The following CCNB2 variants were observed in gnomAD, a reference collection of about 807,000 sequenced individuals.
CCNB2 encodes the protein cyclin B2, also known as G2/mitotic-specific cyclin-B2.
A neutral mutation model predicts 51.1 loss-of-function variants in CCNB2; 39 were observed. The ratio of observed to expected loss-of-function variants is 0.76; its 90% CI spans 0.59 to 1.00. The LOEUF (loss-of-function observed/expected upper bound fraction) is 1.00. Among genes scored for constraint, CCNB2 ranks in the 50% least tolerant of loss-of-function variants. The pLI, the probability that CCNB2 is intolerant of heterozygous loss-of-function variation, is 0.00. For synonymous variants in CCNB2, 174 were observed against 165.5 expected (o/e 1.05, Z -0.40); for missense variants, 472 against 470.3 (o/e 1.00, Z -0.03).
rs1451713966 is a variant in CCNB2 at position 59,107,647 on chromosome 15, C to A, written c.244C>A (p.Gln82Lys). ...LKPTASVKPV[Q>K]MEKLAPKGPS... Reference sequence around the variant, plus strand: ...ACCTACTGCTTCTGTCAAACCAGTACAGATGGAAAAGTTGGCTCCAAAGGT... The same window carrying A: ...ACCTACTGCTTCTGTCAAACCAGTAAAGATGGAAAAGTTGGCTCCAAAGGT... The change falls in exon 3 of 9, where the codon CAG becomes AAG. Residue 82 changes from glutamine to lysine, a missense_variant. By Grantham distance (53) the Gln-to-Lys change is moderately conservative. Transcript: ENST00000288207. 5 of 1,613,844 alleles carry A rather than the reference C, an allele frequency of 3.1e-6. No individual in the cohort carries two copies. The highest frequency in any genetic ancestry group is 4.2e-6 in the Non-Finnish European group (5 of 1,179,930).
chr15:59,107,521 C>T (rs760885492), intron 2 of CCNB2, 36 bp from the exon 3 acceptor site: 5 of 1,613,048 alleles, frequency 3.1e-6, no homozygotes, highest in Non-Finnish European at 4.2e-6. Flanking sequence ...ACAACGCTGG[C>T]TGTCTTGCGC....
chr15:59,112,846 A>T (rs1378516368), intron 3 of CCNB2, among the ~76,000 whole-genome samples: 5 of 151,648 alleles, frequency 3.3e-5, no homozygotes, highest in African/African-American at 7.3e-5. Context: ...CATCCTGGCT[A>T]ACACGGTGAA....
chr15:59,120,706 G>A (rs2079298564), intron 7 of CCNB2, among the ~76,000 whole-genome samples: 1 of 152,146 alleles, frequency 6.6e-6, no homozygotes, highest in Non-Finnish European at 1.5e-5. Context: ...ATTTATTCAA[G>A]CAAGGTGCAT....
chr15:59,106,029 C>T (rs1337133666), intron 1 of CCNB2, among the ~76,000 whole-genome samples: 3 of 152,144 alleles, frequency 2.0e-5, no homozygotes, highest in Non-Finnish European at 2.9e-5. Flanking sequence ...TTCCTGTGGG[C>T]TTGAATTGTA....
At chr15:59,109,878 T>C (rs562574991) in intron 3 of CCNB2, among the ~76,000 whole-genome samples, 4 of 151,960 alleles carry the variant, frequency 2.6e-5, no homozygotes, top group African/African-American at 7.3e-5. Context: ...CCCAGCTACT[T>C]GGGAGGCTGA....
At position 59,115,817 on chromosome 15, in the gene CCNB2, A is replaced by G. The variant is rs28383533; in HGVS notation, c.598-873A>G. On this transcript the variant is annotated intron_variant, in intron 5 of 8. Transcript: ENST00000288207. ...ACAATCTGGGCTCACTGTAGCCTCA[A>G]TTTCCTGGGTTCAATCAATCCTTCT... 1.8e-3 allele frequency: 277 copies of G among 152,178 alleles called. 2 individuals carry two copies. The highest frequency in any genetic ancestry group is 6.3e-3 in the African/African-American group (260 of 41,536). 9.4% of individuals were successfully genotyped at this position (152,178 alleles called of 1,614,324 possible).
At chr15:59,121,714 T>C in intron 7 of CCNB2, 1 of 152,210 alleles carries the variant, frequency 6.6e-6, no homozygotes, top group Non-Finnish European at 1.5e-5. Flanking sequence ...GGTGGATCAC[T>C]TGAGGCCAGG....
At position 59,114,977 on chromosome 15, in the gene CCNB2, A is replaced by G. The variant is rs2079273319; in HGVS notation, c.597+101A>G. The G allele has an allele frequency of 2.4e-6, 3 of 1,257,986 alleles. No individual in the cohort carries two copies. In the East Asian group the frequency reaches 7.0e-5, roughly 29 times the overall value. The allele number at this position is 1,257,986 out of a possible 1,614,324, so 77.9% of individuals were successfully genotyped here. A position where few individuals can be genotyped will look rare whatever the true frequency, so the allele number is the denominator to read the frequency against. Reference sequence around the variant, plus strand: ...AGTGGGTACTTCTGAAAAAAAGACCAAAAATCAAATTGTGAGAAGCCAAAG... The same window carrying G: ...AGTGGGTACTTCTGAAAAAAAGACCGAAAATCAAATTGTGAGAAGCCAAAG... On this transcript the variant is annotated intron_variant, in intron 5 of 8. Transcript: ENST00000288207.
In CCNB2 at chr15:59,114,813, C is replaced by T. The variant is rs2079272509; in HGVS notation, c.534C>T (p.Ser178=). Residue 178 remains serine (S), a synonymous_variant, in exon 5 of 9, where the codon TCC becomes TCT. Coordinates refer to ENST00000288207, the MANE Select transcript of CCNB2 (RefSeq NM_004701.4). ...TGGATTGGCTGGTACAAGTCCACTC[C>T]AAGTTTAGGCTTCTGCAGGAGACTC... is the stretch of plus-strand genomic sequence containing the variant. ...ILVDWLVQVH[S]KFRLLQETLY... is the part of the protein sequence containing the mutation. 2 of 1,614,064 alleles carry T rather than the reference C, an allele frequency of 1.2e-6. No individual in the cohort carries two copies. The highest frequency in any genetic ancestry group is 3.3e-5 in the Admixed American group (2 of 60,004).
At position 59,107,764 on chromosome 15, in the gene CCNB2, G is replaced by A. The variant is rs561833381; in HGVS notation, c.267+94G>A. On this transcript the variant is annotated intron_variant, in intron 3 of 8. Coordinates refer to ENST00000288207, the MANE Select transcript of CCNB2 (RefSeq NM_004701.4). ...CTTTATCATTGCTGTACCTTCTAAC[G>A]AACATTCATAGCTGGAGCTCTGCTT... 1,073 of 858,516 alleles carry A rather than the reference G, an allele frequency of 1.2e-3. 2 individuals carry two copies. The highest frequency in any genetic ancestry group is 1.5e-3 in the Non-Finnish European group (820 of 535,048). 53.2% of individuals were successfully genotyped at this position (858,516 alleles called of 1,614,324 possible).
chr15:59,111,874 G>A (rs1341790228), intron 3 of CCNB2, among the ~76,000 whole-genome samples: 1 of 49,866 alleles, frequency 2.0e-5, no homozygotes, highest in Non-Finnish European at 4.0e-5. Flanking sequence ...TTTTTTTTTT[G>A]ACAGAGTCTC....
At chr15:59,110,094 C>A (rs1228860381) in intron 3 of CCNB2, among the ~76,000 whole-genome samples, 6 of 149,562 alleles carry the variant, frequency 4.0e-5, no homozygotes, top group African/African-American at 1.5e-4. Context: ...TTTTTTTTTT[C>A]TTTTTTTAAA....
rs1292130711 is a variant in CCNB2 at position 59,115,007 on chromosome 15, T to A, written c.597+131T>A. Reference sequence around the variant, plus strand: ...TCAAATTGTGAGAAGCCAAAGAACTTTGGGGACTAAAAAGGGAAGTAATCC... The same window carrying A: ...TCAAATTGTGAGAAGCCAAAGAACTATGGGGACTAAAAAGGGAAGTAATCC... On this transcript the variant is annotated intron_variant, in intron 5 of 8. Coordinates refer to ENST00000288207, the MANE Select transcript of CCNB2 (RefSeq NM_004701.4). The A allele has an allele frequency of 3.1e-6, 3 of 968,000 alleles. No individual in the cohort carries two copies. The Admixed American group carries it at 7.0e-5, about 23-fold the overall frequency. The allele number at this position is 968,000 out of a possible 1,614,324, so 60.0% of individuals were successfully genotyped here.
chr15:59,122,737 T>C (rs1256713518), intron 7 of CCNB2, among the ~76,000 whole-genome samples: 1 of 152,042 alleles, frequency 6.6e-6, no homozygotes, highest in Non-Finnish European at 1.5e-5. Flanking sequence ...GGTCTCCCAA[T>C]GTTACCCAAG....
intron 3 of CCNB2, among the ~76,000 whole-genome samples, chr15:59,107,980 C>G (rs762646062): frequency 6.6e-6 from 1 of 151,194 alleles, no homozygotes; most frequent in African/African-American, 2.4e-5. Context: ...GCCTGGACAG[C>G]GGAGCAAGAC....
intron 8 of CCNB2, 164 bp downstream of exon 8, chr15:59,123,791 G>A (rs2079313931): frequency 5.1e-6 from 3 of 589,184 alleles, no homozygotes; most frequent in Non-Finnish European, 6.1e-6. Context: ...GTACAGTATG[G>A]TATGGAGCAT....
intron 1 of CCNB2, 98 bp from the exon 2 acceptor site, chr15:59,107,224 T>C (rs928445072): frequency 2.8e-5 from 31 of 1,099,892 alleles, no homozygotes; most frequent in Non-Finnish European, 1.0e-5. Context: ...TCTTGACGTA[T>C]TGTCCTTTCC....
Position 59,114,764 on chromosome 15 carries a change from A to G in CCNB2, c.485A>G (p.Asn162Ser). 2 of 1,614,088 alleles carry G rather than the reference A, an allele frequency of 1.2e-6. No homozygotes were observed. The highest frequency in any genetic ancestry group is 1.7e-6 in the Non-Finnish European group (2 of 1,179,954). The change falls in exon 5 of 9, where the codon AAT (asparagine) becomes AGT (serine). Residue 162 changes from asparagine (N) to serine (S), a missense_variant. Transcript: ENST00000288207. ...NPHFLDGRDINGRMRAILVDW... is the reference protein window; with the variant it reads ...NPHFLDGRDISGRMRAILVDW... Reference sequence around the variant, plus strand: ...CATTTCTTAGATGGAAGAGATATAAATGGACGCATGCGTGCCATCCTAGTG... The same window carrying G: ...CATTTCTTAGATGGAAGAGATATAAGTGGACGCATGCGTGCCATCCTAGTG...
chr15:59,121,931 CAAAAAAAAAAAAAAAAA>C (rs3052992), intron 7 of CCNB2, among the ~76,000 whole-genome samples: 2 of 14,094 alleles, frequency 1.4e-4, no homozygotes, highest in African/African-American at 1.9e-4. Flanking sequence ...GACTCTGTCT[CAAAAAAAAAAAAAAAAA>C]AAAAAAAAAA....
Sources: allele counts gnomAD v4.1 joint callset (sites outside exome capture counted in the v4.1 genomes callset), GRCh38; gene constraint gnomAD v4.1.1; transcripts MANE v1.5; gene names NCBI Gene and HGNC (gene_info 2026-07-23, HGNC 2026-07-21).